LTBP1: variants seen among roughly 807,000 people sequenced by gnomAD.
LTBP1 encodes latent transforming growth factor beta binding protein 1.
A neutral mutation model predicts 207.6 loss-of-function variants in LTBP1; 129 were observed. The ratio of observed to expected loss-of-function variants is 0.62; its 90% confidence interval spans 0.54 to 0.72. The LOEUF (loss-of-function observed/expected upper bound fraction) is 0.72, where lower values mean the gene tolerates loss of function less well. Ranked by LOEUF, LTBP1 falls within the 30% of genes least tolerant of loss-of-function variation. The pLI is 0.00. For synonymous variants in LTBP1, 963 were observed against 833.7 expected (o/e 1.16, Z -2.67); for missense variants, 2,281 against 2,217.2 (o/e 1.03, Z -0.58).
At chr2:33,274,603 G>A (rs2093388470) in intron 16 of LTBP1, among the ~76,000 whole-genome samples, 1 of 152,164 alleles carries the variant, frequency 6.6e-6, no homozygotes, top group South Asian at 2.1e-4. Flanking sequence ...CCATCCACAT[G>A]CACGGAGGAA....
chr2:33,231,405 G>C (rs1304677011), intron 9 of LTBP1, among the ~76,000 whole-genome samples: 1 of 152,116 alleles, frequency 6.6e-6, no homozygotes, highest in Non-Finnish European at 1.5e-5. Context: ...CATTTTGTTT[G>C]GACAAAAGAA....
intron 2 of LTBP1, among the ~76,000 whole-genome samples, chr2:32,962,921 G>A (rs1679357352): frequency 6.6e-6 from 1 of 152,374 alleles, no homozygotes; most frequent in African/African-American, 2.4e-5. Context: ...TCCTGATACA[G>A]CTGTGGCTTG....
At chr2:33,321,568 A>G (rs1341276642) in intron 24 of LTBP1, among the ~76,000 whole-genome samples, 13 of 152,230 alleles carry the variant, frequency 8.5e-5, no homozygotes, top group Non-Finnish European at 1.5e-5. Flanking sequence ...GAAAGCATAA[A>G]GCCGTGGACA....
In LTBP1 at chr2:32,959,666, G is replaced by A. The variant is rs529095175; in HGVS notation, c.565+10721G>A. Among the ~76,000 whole-genome samples the A allele has an allele frequency of 5.7e-5, 7 of 123,080 alleles. No individual in the cohort carries two copies. In the South Asian group the frequency reaches 2.0e-3, roughly 35 times the overall value. The allele number at this position is 123,080 out of a possible 152,430, so 80.7% of individuals were successfully genotyped here. Reference sequence around the variant, plus strand: ...GATGGAGTCTTGCTTTGTCGCCCAGGCTCTAGTGCAGTGGCGTGATCTCAG... The same window carrying A: ...GATGGAGTCTTGCTTTGTCGCCCAGACTCTAGTGCAGTGGCGTGATCTCAG... On this transcript the variant is annotated intron_variant, in intron 2 of 33. Coordinates refer to ENST00000404816, the MANE Select transcript of LTBP1 (RefSeq NM_206943.4).
At chr2:33,009,018 G>A (rs1687315306) in intron 2 of LTBP1, among the ~76,000 whole-genome samples, 1 of 152,232 alleles carries the variant, frequency 6.6e-6, no homozygotes, top group African/African-American at 2.4e-5. Flanking sequence ...GCAGAGGTTT[G>A]CAGGCTGTAA....
chr2:33,008,608 C>T (rs1002403934), intron 2 of LTBP1, among the ~76,000 whole-genome samples: 25 of 152,192 alleles, frequency 1.6e-4, no homozygotes, highest in Admixed American at 1.4e-3. Flanking sequence ...ACTCCTTCCA[C>T]GATTACTAAC....
intron 7 of LTBP1, among the ~76,000 whole-genome samples, chr2:33,199,731 G>A (rs201622308): frequency 0.015 from 2,260 of 152,192 alleles, 22 homozygotes; most frequent in East Asian, 0.026. Context: ...AAACCCCATC[G>A]TCTCAGCCCA....
chr2:33,262,845 T>A, intron 14 of LTBP1, 24 bp downstream of exon 14: 1 of 1,513,006 alleles, frequency 6.6e-7, no homozygotes, highest in Non-Finnish European at 9.1e-7. Flanking sequence ...ATCTGTGCTG[T>A]TTGTCAGAGT....
chr2:33,193,926 A>G (rs973333968), intron 7 of LTBP1, among the ~76,000 whole-genome samples: 4 of 152,108 alleles, frequency 2.6e-5, no homozygotes, highest in Admixed American at 6.5e-5. Flanking sequence ...TAATAACACA[A>G]TGGCCTTTAA....
chr2:32,950,359 C>A lies in LTBP1; in HGVS notation c.565+1414C>A, dbSNP rs146564979. ...ATCACTTGAGGCCAGGAGTTCGAGA[C>A]CAGCCTGGGCAGCATGGCAAAACCC... On this transcript the variant is annotated intron_variant, in intron 2 of 33. Coordinates refer to ENST00000404816, the MANE Select transcript of LTBP1 (RefSeq NM_206943.4). Among the ~76,000 whole-genome samples the A allele has an allele frequency of 7.4e-3, 1,130 of 152,078 alleles. 22 individuals are homozygous for A. The highest frequency in any genetic ancestry group is 0.026 in the African/African-American group (1,088 of 41,474).
At chr2:33,146,904 G>A (rs901062073) in intron 5 of LTBP1, among the ~76,000 whole-genome samples, 1 of 152,224 alleles carries the variant, frequency 6.6e-6, no homozygotes, top group African/African-American at 2.4e-5. Flanking sequence ...TGAGATTTGG[G>A]TGGGAACACA....
At chr2:33,330,643 G>A (rs2094482181) in intron 24 of LTBP1, among the ~76,000 whole-genome samples, 1 of 151,356 alleles carries the variant, frequency 6.6e-6, no homozygotes. Context: ...TGTTAATGTG[G>A]TGAATTACAT....
At chr2:33,190,339 C>CAT (rs2087720171) in intron 7 of LTBP1, among the ~76,000 whole-genome samples, 1 of 151,740 alleles carries the variant, frequency 6.6e-6, no homozygotes, top group African/African-American at 2.4e-5. Flanking sequence ...AAAAATATAT[C>CAT]GTGTGTGTGT....
intron 22 of LTBP1, among the ~76,000 whole-genome samples, chr2:33,306,913 C>T (rs1239767453): frequency 2.6e-5 from 4 of 151,994 alleles, no homozygotes; most frequent in Admixed American, 1.3e-4. Context: ...CATGGTGAAA[C>T]CCCGTCTCTA....
intron 3 of LTBP1, among the ~76,000 whole-genome samples, chr2:33,030,389 C>G (rs1410707407): frequency 1.3e-5 from 2 of 152,194 alleles, no homozygotes; most frequent in Non-Finnish European, 2.9e-5. Flanking sequence ...TTTTCTCTCC[C>G]TCTCCATTCC....
intron 7 of LTBP1, among the ~76,000 whole-genome samples, chr2:33,214,321 G>A (rs765365849): frequency 2.0e-4 from 30 of 152,052 alleles, no homozygotes; most frequent in Non-Finnish European, 2.9e-4. Context: ...AGGGTTACAC[G>A]TTTTGTGATT....
At chr2:33,372,080 C>G (rs2095075316) in intron 31 of LTBP1, among the ~76,000 whole-genome samples, 1 of 152,184 alleles carries the variant, frequency 6.6e-6, no homozygotes, top group Non-Finnish European at 1.5e-5. Context: ...GAACATATCC[C>G]TAGTGGATAA....
intron 2 of LTBP1, among the ~76,000 whole-genome samples, chr2:32,952,489 G>A (rs1677299706): frequency 1.3e-5 from 2 of 152,326 alleles, no homozygotes; most frequent in East Asian, 1.9e-4. Flanking sequence ...AGCCTTACCT[G>A]TTTTGGACAA....
At chr2:32,981,728 C>T (rs760098306) in intron 2 of LTBP1, among the ~76,000 whole-genome samples, 6 of 152,032 alleles carry the variant, frequency 3.9e-5, no homozygotes, top group Non-Finnish European at 8.8e-5. Context: ...ATCATGGGGG[C>T]GAGTTTTTCC....
Sources: allele counts gnomAD v4.1 joint callset (sites outside exome capture counted in the v4.1 genomes callset), GRCh38; gene constraint gnomAD v4.1.1; transcripts MANE v1.5; gene names NCBI Gene and HGNC (gene_info 2026-07-23, HGNC 2026-07-21).